The following APC2 variants were observed in gnomAD, a reference collection of about 807,000 sequenced individuals.
The protein encoded by APC2 is APC regulator of Wnt signaling pathway 2, also known as adenomatous polyposis coli protein 2.
APC2 carries 41 observed loss-of-function variants against 72.5 expected under a neutral mutation model. That is an observed-to-expected ratio of 0.57 (90% confidence interval 0.44 to 0.73). The LOEUF is 0.73. Among genes scored for constraint, APC2 ranks in the 30% least tolerant of loss-of-function variants. The pLI is 0.00. For synonymous variants in APC2, 1,898 were observed against 1,612.0 expected, an observed-to-expected ratio of 1.18 and a Z score of -4.25; for missense variants, 3,729 against 3,403.4, an observed-to-expected ratio of 1.10 and a Z score of -2.38.
Position 1,455,435 on chromosome 19 carries a change from C to A in APC2, c.574C>A (p.Gln192Lys). The change falls in exon 6 of 15, where the codon CAG becomes AAG. Residue 192 changes from glutamine to lysine, a missense_variant. Gln to Lys is a moderately conservative substitution (Grantham distance 53). Coordinates refer to ENST00000590469, the MANE Select transcript of APC2 (RefSeq NM_005883.3). ...CCGGCAGCAGCTTGAGTTCGAGGCC[C>A]AGCACATCCGCTCGCTGATGGAGGA... is the stretch of plus-strand genomic sequence containing the variant. The part of the protein sequence containing the change: ...LIRQQLEFEA[Q>K]HIRSLMEERF... 1 of 1,608,256 alleles carries A rather than the reference C, an allele frequency of 6.2e-7. No homozygotes were observed. Among genetic ancestry groups the A allele is most frequent in the East Asian group, 2.2e-5 (1 of 44,772 alleles).
In APC2 at chr19:1,452,950, C is replaced by A; in HGVS notation, c.-18-34C>A. ...AAGGCATCACCGCGCCCTCCCCAGA[C>A]CATCAGCTGAACCCTCTGACCCTGT... On this transcript the variant is annotated intron_variant, in intron 1 of 14. Transcript: ENST00000590469. The surrounding 1 kb of genome is among the most constrained non-coding windows in gnomAD (Gnocchi z 5.1). The A allele has an allele frequency of 6.2e-7, 1 of 1,601,924 alleles. No homozygotes were observed. The highest frequency in any genetic ancestry group is 8.5e-7 in the Non-Finnish European group (1 of 1,174,846).
rs1378087591 is a variant in APC2 at position 1,453,530 on chromosome 19, A to ACGGCTC, written c.336_341dup (p.Ser113_Gly114dup). On this transcript the variant is annotated inframe_insertion, in exon 4 of 15. Transcript: ENST00000590469. ...CGGACCCCCGAGGGCAGCCCAGTAC[A>ACGGCTC]CGGCTCCGGGCCCTCCAAGGACAGC... 5.0e-6 allele frequency: 8 copies of ACGGCTC among 1,611,596 alleles called. No homozygotes were observed. In the South Asian group the frequency reaches 8.8e-5, roughly 18 times the overall value.
At chr19:1,455,301 CAG>C (rs781465656) in intron 5 of APC2, 44 bp downstream of exon 5, 1 of 1,578,946 alleles carries the variant, frequency 6.3e-7, no homozygotes, top group South Asian at 1.1e-5. Flanking sequence ...CCGCCCCACT[CAG>C]GGTGCGGGAA....
chr19:1,466,855 G>T lies in APC2; in HGVS notation c.3554G>T (p.Cys1185Phe). 1 of 1,560,694 alleles carries T rather than the reference G, an allele frequency of 6.4e-7. No individual in the cohort carries two copies. Among genetic ancestry groups the T allele is most frequent in the Non-Finnish European group, 8.7e-7 (1 of 1,153,746 alleles). ...GCCAGCTCCATCCCCAGTGAACCTT[G>T]CAGCGGGCAGGGCAGCGGCACCATC... Reference protein sequence around the residue: ...SIASSIPSEPCSGQGSGTISP... With the variant: ...SIASSIPSEPFSGQGSGTISP... The change falls in exon 15 of 15, where the codon TGC (cysteine) becomes TTC (phenylalanine). Residue 1185 changes from cysteine (C) to phenylalanine (F), a missense_variant. Coordinates refer to ENST00000590469, the MANE Select transcript of APC2 (RefSeq NM_005883.3).
In APC2 at chr19:1,467,460, G is replaced by A. The variant is rs1317402362; in HGVS notation, c.4159G>A (p.Asp1387Asn). Reference protein sequence around the residue: ...VPAPAPAQEDDSCTDSAEGTP... With the variant: ...VPAPAPAQEDNSCTDSAEGTP... ...CGCCCCGGCCCCGGCCCAGGAGGAC[G>A]ACTCCTGCACTGACTCCGCGGAGGG... The change falls in exon 15 of 15, where the codon GAC becomes AAC. Residue 1387 changes from aspartate to asparagine, a missense_variant. Physicochemically the swap from Asp to Asn is conservative, Grantham distance 23. Coordinates refer to ENST00000590469, the MANE Select transcript of APC2 (RefSeq NM_005883.3). The A allele has an allele frequency of 6.1e-6, 9 of 1,470,062 alleles. No individual in the cohort carries two copies. The highest frequency in any genetic ancestry group is 1.5e-5 in the African/African-American group (1 of 68,336). The allele number at this position is 1,470,062 out of a possible 1,614,324, so 91.1% of individuals were successfully genotyped here.
At chr19:1,461,783 C>A (rs376608178) in intron 13 of APC2, 180 bp from the exon 14 acceptor site, 3 of 588,814 alleles carry the variant, frequency 5.1e-6, no homozygotes, top group Non-Finnish European at 8.9e-6. Context: ...ACTGGGGAGT[C>A]GGAGCCTGCA....
chr19:1,461,217 C>A, intron 13 of APC2, 64 bp downstream of exon 13: 3 of 1,397,160 alleles, frequency 2.1e-6, no homozygotes, highest in Non-Finnish European at 1.0e-6. Context: ...CTGGCGGCAG[C>A]GGGCGAGCTC....
At chr19:1,464,217 G>A (rs1156346839) in intron 14 of APC2, among the ~76,000 whole-genome samples, 2 of 151,970 alleles carry the variant, frequency 1.3e-5, no homozygotes, top group African/African-American at 4.8e-5. Flanking sequence ...GCTAAGGCAG[G>A]AGACTCGCTT....
Position 1,469,725 on chromosome 19 carries a change from C to A in APC2, c.6424C>A (p.Pro2142Thr). Residue 2142 changes from proline (P) to threonine (T), a missense_variant, in exon 15 of 15, where the codon CCG becomes ACG. Physicochemically the swap from Pro to Thr is conservative, Grantham distance 38. Transcript: ENST00000590469. The stretch of plus-strand genomic sequence containing the variant: ...CCGGCCGCTCCCCAGGGTGGCCGCG[C>A]CGGGCACGACCTGGCGGCGCATCCG... Reference protein sequence around the residue: ...EPRPLPRVAAPGTTWRRIRDE... With the variant: ...EPRPLPRVAATGTTWRRIRDE... 6.9e-7 allele frequency: 1 copy of A among 1,455,820 alleles called. No homozygotes were observed. Among genetic ancestry groups the A allele is most frequent in the Non-Finnish European group, 9.0e-7 (1 of 1,111,054 alleles). 90.2% of individuals were successfully genotyped at this position (1,455,820 alleles called of 1,614,324 possible).
In APC2 at chr19:1,460,527, C is replaced by T. The variant is rs778924086; in HGVS notation, c.1443+207C>T. Among the ~76,000 whole-genome samples the T allele has an allele frequency of 1.9e-3, 282 of 152,362 alleles. 3 individuals carry two copies. The highest frequency in any genetic ancestry group is 3.4e-3 in the Non-Finnish European group (234 of 68,024). On this transcript the variant is annotated intron_variant, in intron 11 of 14. Transcript: ENST00000590469. Reference sequence around the variant, plus strand: ...ACCTCCCCACCTGGCGGTGTCCTCACGCCCACCCTGTTGCTGCCTCTGCAG... The same window carrying T: ...ACCTCCCCACCTGGCGGTGTCCTCATGCCCACCCTGTTGCTGCCTCTGCAG...
At position 1,450,192 on chromosome 19, in the gene APC2, G is replaced by A; in HGVS notation, c.-165G>A. 2 of 985,286 alleles carry A rather than the reference G, an allele frequency of 2.0e-6. No individual in the cohort carries two copies. Among genetic ancestry groups the A allele is most frequent in the South Asian group, 4.7e-5 (1 of 21,290 alleles). The allele number at this position is 985,286 out of a possible 1,614,324, so 61.0% of individuals were successfully genotyped here. A position where few individuals can be genotyped will look rare whatever the true frequency, so the allele number is the denominator to read the frequency against. The stretch of plus-strand genomic sequence containing the variant: ...GCCCGGACCGGGCTTTGTCCGCCCC[G>A]GAGCCCCTGCCCGCGCCGCGGAGAC... On this transcript the variant is annotated 5_prime_UTR_variant, in exon 1 of 15. Transcript: ENST00000590469.
At chr19:1,464,689 G>C (rs1313851867) in intron 14 of APC2, among the ~76,000 whole-genome samples, 1 of 139,394 alleles carries the variant, frequency 7.2e-6, no homozygotes, top group East Asian at 2.1e-4. Flanking sequence ...CTGGAGTGCA[G>C]TGGCGCGATC....
In APC2 at chr19:1,460,802, G is replaced by A. The variant is rs779800448; in HGVS notation, c.1466G>A (p.Gly489Asp). Reference protein sequence around the residue: ...ANKATLCARRGCMEAIVAQLA... With the variant: ...ANKATLCARRDCMEAIVAQLA... ...CAGGCCACCCTGTGTGCGCGCCGCG[G>A]CTGCATGGAGGCCATCGTGGCCCAG... Residue 489 changes from glycine (G) to aspartate (D), a missense_variant, in exon 12 of 15, where the codon GGC becomes GAC. Coordinates refer to ENST00000590469, the MANE Select transcript of APC2 (RefSeq NM_005883.3). 9.9e-6 allele frequency: 16 copies of A among 1,613,060 alleles called. No individual in the cohort carries two copies. In the East Asian group the frequency reaches 3.3e-4, roughly 34 times the overall value.
Position 1,466,340 on chromosome 19 carries a change from A to G in APC2, c.3039A>G (p.Ala1013=). The G allele has an allele frequency of 1.9e-6, 3 of 1,559,050 alleles. No individual in the cohort carries two copies. The highest frequency in any genetic ancestry group is 1.7e-6 in the Non-Finnish European group (2 of 1,155,486). The change falls in exon 15 of 15, where the codon GCA becomes GCG. Residue 1013 remains alanine, a synonymous_variant. Coordinates refer to ENST00000590469, the MANE Select transcript of APC2 (RefSeq NM_005883.3). ...PLLEGASRAG[A]EPLAGPGISP... is the part of the protein sequence containing the mutation. ...TTGAGGGTGCCTCAAGGGCGGGTGC[A>G]GAGCCCCTCGCGGGGCCTGGAATCT...
chr19:1,460,264 C>T lies in APC2; in HGVS notation c.1387C>T (p.Arg463Cys), dbSNP rs371448424. 3.2e-5 allele frequency: 52 copies of T among 1,613,418 alleles called. No individual in the cohort carries two copies. The highest frequency in any genetic ancestry group is 1.6e-4 in the African/African-American group (12 of 74,956). Residue 463 changes from arginine (R) to cysteine (C), a missense_variant, in exon 11 of 15, where the codon CGC (arginine) becomes TGC (cysteine). By Grantham distance (180) the Arg-to-Cys change is radical. Transcript: ENST00000590469. ...CCGGGACCCGCTGAACCTGGCGCTG[C>T]GCCGCTACGCGGGCATGACCCTCAC... ...MTRDPLNLAL[R>C]RYAGMTLTNL...
Position 1,468,491 on chromosome 19 carries a change from A to C in APC2, c.5190A>C (p.Leu1730=). 1 of 1,605,050 alleles carries C rather than the reference A, an allele frequency of 6.2e-7. No homozygotes were observed. Among genetic ancestry groups the C allele is most frequent in the South Asian group, 1.1e-5 (1 of 90,296 alleles). ...FVSGLSVGST[L]QPPKHRKGRQ... ...CCGGGCTGTCAGTGGGATCCACCCT[A>C]CAGCCCCCCAAGCACAGGAAGGGAC... The change falls in exon 15 of 15, where the codon CTA becomes CTC. Residue 1730 remains leucine (L), a synonymous_variant. Coordinates refer to ENST00000590469, the MANE Select transcript of APC2 (RefSeq NM_005883.3).
At chr19:1,464,355 T>C (rs2083971858) in intron 14 of APC2, among the ~76,000 whole-genome samples, 1 of 151,466 alleles carries the variant, frequency 6.6e-6, no homozygotes, top group South Asian at 2.1e-4. Flanking sequence ...AAATAAGAAA[T>C]ATTAAAATAA....
rs2084138032 is a variant in APC2, at chr19:1,471,746, C to A, written c.*1533C>A. On this transcript the variant is annotated 3_prime_UTR_variant, in exon 15 of 15. Coordinates refer to ENST00000590469, the MANE Select transcript of APC2 (RefSeq NM_005883.3). Reference sequence around the variant, plus strand: ...AGCTCAGAAGGAAACCCCAGCCCCACCACGGATGACACCATCCCTCCCGTC... The same window carrying A: ...AGCTCAGAAGGAAACCCCAGCCCCAACACGGATGACACCATCCCTCCCGTC... The A allele has an allele frequency of 6.6e-6, 1 of 152,302 alleles. No homozygotes were observed. The highest frequency in any genetic ancestry group is 2.4e-5 in the African/African-American group (1 of 41,436). 9.4% of individuals were successfully genotyped at this position (152,302 alleles called of 1,614,324 possible).
rs1359184435 is a variant in APC2, at chr19:1,460,305, G to T, written c.1428G>T (p.Gly476=). ...TGACCCTCACCAACCTCACCTTTGG[G>T]GACGTTGCCAACAAGGTGCCCGGGG... ...AGMTLTNLTF[G]DVANKATLCA... is the part of the protein sequence containing the mutation. Residue 476 remains glycine, a synonymous_variant, in exon 11 of 15, where the codon GGG becomes GGT. Coordinates refer to ENST00000590469, the MANE Select transcript of APC2 (RefSeq NM_005883.3). The T allele has an allele frequency of 1.9e-6, 3 of 1,613,356 alleles. No homozygotes were observed. The African/African-American group carries it at 4.0e-5, about 22-fold the overall frequency.
Sources: gnomAD v4.1 joint callset for allele counts (sites outside exome capture counted in the v4.1 genomes callset) on GRCh38, gnomAD v4.1.1 for gene constraint, Gnocchi (gnomAD v3.1) non-coding constraint, MANE v1.5 for transcripts, NCBI Gene and HGNC (gene_info 2026-07-23, HGNC 2026-07-21) for gene names.